PPP1R9A: variants seen among roughly 807,000 people sequenced by gnomAD.
The protein encoded by PPP1R9A is neurabin-1.
PPP1R9A carries 59 observed loss-of-function variants against 141.9 expected under a neutral mutation model. The observed-to-expected ratio is 0.42, with a 90% confidence interval of 0.34 to 0.52. The LOEUF (loss-of-function observed/expected upper bound fraction) is 0.52, where lower values mean the gene tolerates loss of function less well. Ranked by LOEUF, PPP1R9A falls within the 20% of genes least tolerant of loss-of-function variation. PPP1R9A has a pLI of 0.10. For missense variants in PPP1R9A, 1,444 were observed against 1,611.9 expected, an observed-to-expected ratio of 0.90 and a Z score of 1.78; for synonymous variants, 500 against 569.7, an observed-to-expected ratio of 0.88 and a Z score of 1.74.
chr7:95,112,280 G>T (rs1820702258), intron 3 of PPP1R9A, among the ~76,000 whole-genome samples: 2 of 151,980 alleles, frequency 1.3e-5, no homozygotes, highest in Admixed American at 6.6e-5. Context: ...CTTAAAAGAA[G>T]ACTTACAAGC....
intron 2 of PPP1R9A, among the ~76,000 whole-genome samples, chr7:95,027,543 CCT>C (rs1231533904): frequency 4.6e-5 from 7 of 152,170 alleles, no homozygotes; most frequent in Non-Finnish European, 8.8e-5. Flanking sequence ...ATCTTGCCAG[CCT>C]CTCTTGAAAA....
intron 4 of PPP1R9A, among the ~76,000 whole-genome samples, chr7:95,161,153 C>G (rs1314743483): frequency 6.6e-6 from 1 of 152,088 alleles, no homozygotes; most frequent in African/African-American, 2.4e-5. Flanking sequence ...GATAAGCATT[C>G]CCTCTTCTCC....
chr7:95,201,422 A>G (rs1283511237), intron 6 of PPP1R9A, among the ~76,000 whole-genome samples: 1 of 152,176 alleles, frequency 6.6e-6, no homozygotes, highest in Non-Finnish European at 1.5e-5. Context: ...AGATAAAACC[A>G]ACTGTTAATT....
intron 8 of PPP1R9A, among the ~76,000 whole-genome samples, chr7:95,236,703 A>G (rs973063713): frequency 6.6e-6 from 1 of 151,198 alleles, no homozygotes; most frequent in Non-Finnish European, 1.5e-5. Context: ...AAAAAGAAAA[A>G]AAACAAAGAC....
intron 2 of PPP1R9A, among the ~76,000 whole-genome samples, chr7:94,939,468 T>G (rs1284777970): frequency 6.6e-6 from 1 of 152,040 alleles, no homozygotes; most frequent in Non-Finnish European, 1.5e-5. Flanking sequence ...TTTATTTTCT[T>G]TCTTCTGTAT....
intron 12 of PPP1R9A, among the ~76,000 whole-genome samples, chr7:95,255,591 A>G (rs970746137): frequency 6.6e-6 from 1 of 152,182 alleles, no homozygotes; most frequent in Non-Finnish European, 1.5e-5. Context: ...AGAAAGTACT[A>G]GGTCCTGCCG....
chr7:95,069,987 A>T (rs1176751346), intron 2 of PPP1R9A, among the ~76,000 whole-genome samples: 1 of 152,198 alleles, frequency 6.6e-6, no homozygotes, highest in East Asian at 1.9e-4. Context: ...GCCTACAACC[A>T]TAAAATTCCC....
Position 95,273,900 on chromosome 7 carries a change from T to C in PPP1R9A, c.3126T>C (p.Asp1042=), listed in dbSNP as rs750475039. The part of the protein sequence containing the change: ...TTNKKILREK[D]DAKDPKSLRA... ...TTTTCACAAATGTGTATATCCTAGA[T>C]GATGCCAAAGATCCCAAATCACTAA... The change falls in exon 15 of 20, where the codon GAT becomes GAC. Residue 1042 remains aspartate (D), a splice_region_variant and synonymous_variant. Coordinates refer to ENST00000433360, the MANE Select transcript of PPP1R9A (RefSeq NM_001166160.2). The C allele has an allele frequency of 6.7e-7, 1 of 1,499,024 alleles. No individual in the cohort carries two copies. Among genetic ancestry groups the C allele is most frequent in the African/African-American group, 1.4e-5 (1 of 72,730 alleles). The allele number at this position is 1,499,024 out of a possible 1,614,324, so 92.9% of individuals were successfully genotyped here. A position where few individuals can be genotyped will look rare whatever the true frequency, so the allele number is the denominator to read the frequency against.
intron 2 of PPP1R9A, among the ~76,000 whole-genome samples, chr7:95,011,563 T>A (rs1473661642): frequency 6.6e-6 from 1 of 152,220 alleles, no homozygotes; most frequent in Non-Finnish European, 1.5e-5. Flanking sequence ...CTTTCTTCAG[T>A]TAAAATTTAT....
At chr7:95,005,309 C>T (rs1803443894) in intron 2 of PPP1R9A, among the ~76,000 whole-genome samples, 1 of 152,028 alleles carries the variant, frequency 6.6e-6, no homozygotes, top group South Asian at 2.1e-4. Context: ...TCAGGGCACT[C>T]AGTAAACTGA....
intron 2 of PPP1R9A, among the ~76,000 whole-genome samples, chr7:95,109,197 A>G (rs1563248389): frequency 6.6e-6 from 1 of 152,212 alleles, no homozygotes; most frequent in South Asian, 2.1e-4. Flanking sequence ...TCTCTTCTGC[A>G]GTCAAATATG....
In PPP1R9A at chr7:95,181,716, G is replaced by A. The variant is rs1234812796; in HGVS notation, c.1755-16633G>A. On this transcript the variant is annotated intron_variant, in intron 5 of 19. Coordinates refer to ENST00000433360, the MANE Select transcript of PPP1R9A (RefSeq NM_001166160.2). Reference sequence around the variant, plus strand: ...TATATATAGAATATATATATATTCCGTCACATATATATAGAATATATATAT... The same window carrying A: ...TATATATAGAATATATATATATTCCATCACATATATATAGAATATATATAT... Among the ~76,000 whole-genome samples, 6 of 110,686 alleles carry A rather than the reference G, an allele frequency of 5.4e-5. No homozygotes were observed. In the South Asian group the frequency reaches 8.7e-4, roughly 16 times the overall value. 72.6% of individuals were successfully genotyped at this position (110,686 alleles called of 152,430 possible). A position where few individuals can be genotyped will look rare whatever the true frequency, so the allele number is the denominator to read the frequency against.
At chr7:95,137,994 G>A (rs1185082812) in intron 4 of PPP1R9A, among the ~76,000 whole-genome samples, 3 of 148,914 alleles carry the variant, frequency 2.0e-5, no homozygotes, top group African/African-American at 5.0e-5. Context: ...GTGCAGTGGC[G>A]CGATCTCGGC....
intron 2 of PPP1R9A, among the ~76,000 whole-genome samples, chr7:94,936,235 C>T (rs1584290140): frequency 6.6e-6 from 1 of 152,080 alleles, no homozygotes. Context: ...CCTCTGGGCG[C>T]CAGTTTCCTC....
At chr7:95,211,663 C>T (rs1044481953) in intron 7 of PPP1R9A, among the ~76,000 whole-genome samples, 1 of 152,022 alleles carries the variant, frequency 6.6e-6, no homozygotes, top group Non-Finnish European at 1.5e-5. Flanking sequence ...GTCTGTCACT[C>T]CTAAAATTAC....
chr7:95,234,596 A>G (rs1451507054), intron 8 of PPP1R9A, among the ~76,000 whole-genome samples: 3 of 152,180 alleles, frequency 2.0e-5, no homozygotes, highest in Non-Finnish European at 4.4e-5. Flanking sequence ...GAAAATGACC[A>G]TATTGCAAAA....
chr7:94,981,888 A>G (rs1194484294), intron 2 of PPP1R9A, among the ~76,000 whole-genome samples: 2 of 151,952 alleles, frequency 1.3e-5, no homozygotes. Flanking sequence ...GGTTTGTTGC[A>G]TATGTATACA....
Position 95,183,160 on chromosome 7 carries a change from C to T in PPP1R9A, c.1755-15189C>T, listed in dbSNP as rs146154708. Among the ~76,000 whole-genome samples, 219 of 150,572 alleles carry T rather than the reference C, an allele frequency of 1.5e-3. 4 individuals carry two copies. In the East Asian group the frequency reaches 0.021, roughly 14 times the overall value. ...AATACTCTTTCTTTTTTTTTTGAGA[C>T]AGGGTCTCTCTCTGTTACCCAGGCT... On this transcript the variant is annotated intron_variant, in intron 5 of 19. Transcript: ENST00000433360.
chr7:95,210,346 C>G (rs1791817341), intron 7 of PPP1R9A, among the ~76,000 whole-genome samples: 1 of 151,716 alleles, frequency 6.6e-6, no homozygotes, highest in Non-Finnish European at 1.5e-5. Flanking sequence ...AATTTTAAGG[C>G]ATAAAAAATA....
Sources: gnomAD v4.1 joint callset for allele counts (sites outside exome capture counted in the v4.1 genomes callset) on GRCh38, gnomAD v4.1.1 for gene constraint, MANE v1.5 for transcripts, NCBI Gene and HGNC (gene_info 2026-07-23, HGNC 2026-07-21) for gene names.